The following TOGARAM1 variants were observed in gnomAD, a reference collection of about 807,000 sequenced individuals.
TOGARAM1 encodes the protein TOG array regulator of axonemal microtubules protein 1.
Under a neutral mutation model 166.6 loss-of-function variants are expected in TOGARAM1, and 100 were observed. The ratio of observed to expected loss-of-function variants is 0.60; its 90% CI spans 0.51 to 0.71. The LOEUF (loss-of-function observed/expected upper bound fraction) is 0.71. Ranked by LOEUF, TOGARAM1 falls within the 30% of genes least tolerant of loss-of-function variation. The probability of loss-of-function intolerance (pLI) is 0.00; values close to 1 mark genes in which losing one functional copy is unlikely to be tolerated. For synonymous variants in TOGARAM1, 758 were observed against 763.8 expected, an observed-to-expected ratio of 0.99 and a Z score of 0.13; for missense variants, 2,029 against 2,102.7, an observed-to-expected ratio of 0.96 and a Z score of 0.69.
chr14:44,965,988 C>A (rs115217634), intron 1 of TOGARAM1, among the ~76,000 whole-genome samples: 124 of 151,280 alleles, frequency 8.2e-4, no homozygotes, highest in Non-Finnish European at 1.1e-3. Flanking sequence ...GATTCTCCCA[C>A]CTCAGTGTCC....
chr14:44,963,795 C>G lies in TOGARAM1; in HGVS notation c.1374C>G (p.Ile458Met). ...TGATCAAACAAGAATACATGAAAAT[C>G]TTCCTCAAGCTAATGAAGGAAGTAG... Reference protein sequence around the residue: ...KLVIKQEYMKIFLKLMKEVGP... With the variant: ...KLVIKQEYMKMFLKLMKEVGP... Residue 458 changes from isoleucine to methionine, a missense_variant, in exon 1 of 20, where the codon ATC becomes ATG. Coordinates refer to ENST00000361462, the MANE Select transcript of TOGARAM1 (RefSeq NM_001308120.2). 6.2e-7 allele frequency: 1 copy of G among 1,614,040 alleles called. No individual in the cohort carries two copies. The highest frequency in any genetic ancestry group is 8.5e-7 in the Non-Finnish European group (1 of 1,179,974).
intron 1 of TOGARAM1, among the ~76,000 whole-genome samples, chr14:44,970,835 TATTA>T (rs953980025): frequency 6.6e-6 from 1 of 152,172 alleles, no homozygotes; most frequent in African/African-American, 2.4e-5. Context: ...TGATGGGTTA[TATTA>T]ATTGATTTTC....
Position 44,962,923 on chromosome 14 carries a change from GAGGC to G in TOGARAM1, c.507_510del (p.Gly170SerfsTer8), listed in dbSNP as rs761704972. On this transcript the variant is annotated frameshift_variant, in exon 1 of 20. Coordinates refer to ENST00000361462, the MANE Select transcript of TOGARAM1 (RefSeq NM_001308120.2). LOFTEE classifies it high-confidence loss of function. The stretch of plus-strand genomic sequence containing the variant: ...CTCGGACGTTCTCCGGGGTCAGGGG[GAGGC>G]AGGCCAGCTTGAAGAGGCCTTTAGC... The G allele has an allele frequency of 1.2e-6, 2 of 1,614,096 alleles. No homozygotes were observed. The highest frequency in any genetic ancestry group is 2.7e-5 in the African/African-American group (2 of 74,946).
chr14:45,016,766 A>T (rs1007505413), intron 7 of TOGARAM1, among the ~76,000 whole-genome samples: 5 of 152,220 alleles, frequency 3.3e-5, no homozygotes, highest in African/African-American at 1.2e-4. Flanking sequence ...CTTACCTGCT[A>T]AGAACAAGGA....
chr14:44,969,868 T>C (rs928020269), intron 1 of TOGARAM1, among the ~76,000 whole-genome samples: 2 of 152,196 alleles, frequency 1.3e-5, no homozygotes, highest in African/African-American at 4.8e-5. Context: ...CATGTGGGTC[T>C]TTTTCTGGGC....
Position 44,963,314 on chromosome 14 carries a change from GTCTGCCC to G in TOGARAM1, c.902_908del (p.Ser301Ter), listed in dbSNP as rs1183487796. The G allele has an allele frequency of 6.2e-7, 1 of 1,614,012 alleles. No homozygotes were observed. Among genetic ancestry groups the G allele is most frequent in the Non-Finnish European group, 8.5e-7 (1 of 1,180,028 alleles). ...GACAGGTTTCAATCTTACATTTCTCGTCTGCCCTCTGCCCTGAGGAGACACTACAATC... is the reference window on the plus strand; with the variant it reads ...GACAGGTTTCAATCTTACATTTCTCGTCTGCCCTGAGGAGACACTACAATC... On this transcript the variant is annotated frameshift_variant, in exon 1 of 20. Transcript: ENST00000361462. LOFTEE classifies it high-confidence loss of function.
chr14:45,052,744 C>T (rs745835055), intron 15 of TOGARAM1, among the ~76,000 whole-genome samples, 182 bp downstream of exon 15: 1 of 152,094 alleles, frequency 6.6e-6, no homozygotes, highest in Non-Finnish European at 1.5e-5. Flanking sequence ...TATTGTCAAG[C>T]CTTGGAAGTA....
intron 15 of TOGARAM1, among the ~76,000 whole-genome samples, chr14:45,053,018 G>GGTAAGTGCA (rs1882449183): frequency 1.3e-5 from 2 of 151,688 alleles, no homozygotes; most frequent in South Asian, 4.2e-4. Flanking sequence ...GCTCCTTGAG[G>GGTAAGTGCA]GTAAGTGCAA....
At chr14:44,984,895 C>T (rs1195634546) in intron 1 of TOGARAM1, among the ~76,000 whole-genome samples, 1 of 152,064 alleles carries the variant, frequency 6.6e-6, no homozygotes, top group Non-Finnish European at 1.5e-5. Context: ...TTTCTATTTC[C>T]CTGTAACTTT....
rs758022429 is a variant in TOGARAM1, at chr14:44,995,742, A to G, written c.2047-4A>G. The stretch of plus-strand genomic sequence containing the variant: ...TTTGCTAATTTATGATTCTGTTCTT[A>G]TAGTTTTCAACATATGATTTCATCC... On this transcript the variant is annotated splice_polypyrimidine_tract_variant and splice_region_variant and intron_variant, in intron 1 of 19. Transcript: ENST00000361462. The G allele has an allele frequency of 1.4e-5, 22 of 1,545,078 alleles. No homozygotes were observed. In the Admixed American group the frequency reaches 3.4e-4, roughly 24 times the overall value.
intron 2 of TOGARAM1, chr14:44,996,349 A>C (rs1887412246): frequency 6.6e-6 from 1 of 152,410 alleles, no homozygotes; most frequent in African/African-American, 2.4e-5. Context: ...GAGAATAAAT[A>C]GTTTCAGGAA....
chr14:45,004,945 G>A (rs960241943), intron 4 of TOGARAM1, among the ~76,000 whole-genome samples: 5 of 150,290 alleles, frequency 3.3e-5, no homozygotes, highest in African/African-American at 9.8e-5. Flanking sequence ...TTTTTGAGAC[G>A]GAGTTTCGCT....
At position 45,012,042 on chromosome 14, in the gene TOGARAM1, A is replaced by G. The variant is rs1291959602; in HGVS notation, c.3205A>G (p.Ile1069Val). 1.2e-6 allele frequency: 2 copies of G among 1,611,316 alleles called. No homozygotes were observed. The highest frequency in any genetic ancestry group is 1.7e-6 in the Non-Finnish European group (2 of 1,179,034). The stretch of plus-strand genomic sequence containing the variant: ...AAGACTTTCTTCTGCAAAGAAAAAA[A>G]TTTCTCATATTGCTGAACAAAGCCC... The part of the protein sequence containing the change: ...PTRLSSAKKK[I>V]SHIAEQSPSA... The change falls in exon 7 of 20, where the codon ATT (isoleucine) becomes GTT (valine). Residue 1069 changes from isoleucine to valine, a missense_variant. By Grantham distance (29) the Ile-to-Val change is conservative. Coordinates refer to ENST00000361462, the MANE Select transcript of TOGARAM1 (RefSeq NM_001308120.2).
chr14:45,041,140 C>T (rs1255700339), intron 11 of TOGARAM1, among the ~76,000 whole-genome samples: 3 of 150,540 alleles, frequency 2.0e-5, no homozygotes, highest in East Asian at 2.0e-4. Context: ...TGGTGGCTCA[C>T]GCCTGTAATC....
At chr14:44,987,448 T>C (rs1389981666) in intron 1 of TOGARAM1, among the ~76,000 whole-genome samples, 2 of 152,018 alleles carry the variant, frequency 1.3e-5, no homozygotes, top group East Asian at 1.9e-4. Flanking sequence ...GGGCAAAGGA[T>C]ATGAACAGAC....
chr14:45,035,274 C>G (rs985143426), intron 11 of TOGARAM1, among the ~76,000 whole-genome samples: 2 of 151,872 alleles, frequency 1.3e-5, no homozygotes, highest in Admixed American at 1.3e-4. Flanking sequence ...GCAGGAGAAT[C>G]GCTTAAACCC....
chr14:44,971,722 C>A (rs73348288), intron 1 of TOGARAM1, among the ~76,000 whole-genome samples: 3,167 of 152,256 alleles, frequency 0.021, 125 homozygotes, highest in African/African-American at 0.072. Context: ...TCACTGCATA[C>A]CGCAAATCTT....
intron 16 of TOGARAM1, among the ~76,000 whole-genome samples, chr14:45,055,177 T>C (rs890760800): frequency 2.0e-5 from 3 of 152,248 alleles, no homozygotes; most frequent in African/African-American, 7.2e-5. Flanking sequence ...CTTCTTGTAT[T>C]TTTATAAATG....
At chr14:45,016,405 G>A (rs1003287343) in intron 7 of TOGARAM1, among the ~76,000 whole-genome samples, 1 of 152,104 alleles carries the variant, frequency 6.6e-6, no homozygotes. Context: ...AAAGAAGCCG[G>A]GTGCAGTGGC....
Sources: allele counts gnomAD v4.1 joint callset (sites outside exome capture counted in the v4.1 genomes callset), GRCh38; gene constraint gnomAD v4.1.1; transcripts MANE v1.5; gene names NCBI Gene and HGNC (gene_info 2026-07-23, HGNC 2026-07-21).